Variants in KLRG1 observed in about 807,000 individuals in gnomAD.
KLRG1 encodes killer cell lectin-like receptor subfamily G member 1.
A neutral mutation model predicts 21.8 loss-of-function variants in KLRG1; 16 were observed. That is an observed-to-expected ratio of 0.73 (90% CI 0.50 to 1.11). The LOEUF (loss-of-function observed/expected upper bound fraction) is 1.11. Among genes scored for constraint, KLRG1 ranks in the 50% most tolerant of loss-of-function variants. The pLI is 0.00. For synonymous variants in KLRG1, 69 were observed against 75.9 expected (o/e 0.91, Z 0.47); for missense variants, 173 against 218.3 (o/e 0.79, Z 1.31).
chr12:9,205,694 A>G, the KLRG1 span, among the ~76,000 whole-genome samples: 1 of 152,118 alleles, frequency 6.6e-6, no homozygotes, highest in Non-Finnish European at 1.5e-5. Flanking sequence ...AAAAACTATT[A>G]TTTTCTTATA....
At chr12:9,039,135 A>C in the KLRG1 span, among the ~76,000 whole-genome samples, 1 of 152,240 alleles carries the variant, frequency 6.6e-6, no homozygotes, top group South Asian at 2.1e-4. Context: ...TAAGTTGGTC[A>C]TATGTATAAA....
chr12:9,079,655 A>G, the KLRG1 span: 8 of 1,613,234 alleles, frequency 5.0e-6, no homozygotes, highest in African/African-American at 1.3e-5. Flanking sequence ...TGAGATAGCC[A>G]ATGGCCTTGG....
the KLRG1 span, among the ~76,000 whole-genome samples, chr12:9,161,610 C>T: frequency 3.9e-5 from 6 of 152,108 alleles, no homozygotes; most frequent in Admixed American, 3.9e-4. Flanking sequence ...GACTTATAAC[C>T]ATGATAATAC....
chr12:9,112,526 G>A, the KLRG1 span: 3 of 1,613,690 alleles, frequency 1.9e-6, no homozygotes, highest in Non-Finnish European at 2.5e-6. Flanking sequence ...ATTGGATGAA[G>A]ACTTTGGGAC....
At chr12:9,162,559 G>C in the KLRG1 span, 1 of 1,458,890 alleles carries the variant, frequency 6.9e-7, no homozygotes, top group Non-Finnish European at 9.5e-7. Context: ...CCCCTTTGTG[G>C]TTTTGATCTC....
At chr12:9,025,755 A>C in the KLRG1 span, among the ~76,000 whole-genome samples, 1 of 152,220 alleles carries the variant, frequency 6.6e-6, no homozygotes, top group African/African-American at 2.4e-5. Context: ...GGGTAGAAAG[A>C]GTGCCCCTTC....
the KLRG1 span, chr12:9,194,117 A>C: frequency 6.2e-7 from 1 of 1,614,042 alleles, no homozygotes; most frequent in Non-Finnish European, 8.5e-7. Context: ...GGTAGTATTG[A>C]TTGAAAACTG....
At chr12:9,008,609 C>A (rs759370841) in intron 3 of KLRG1, among the ~76,000 whole-genome samples, 1 of 150,884 alleles carries the variant, frequency 6.6e-6, no homozygotes, top group Non-Finnish European at 1.5e-5. Context: ...TGAGGACCTA[C>A]TTCTGGCTTG....
chr12:8,964,364 C>A lies in KLRG1; in HGVS notation c.-156+14128C>A, dbSNP rs111796922. ...AGTGGTTTTGAGTGAGTTTCTTAAT[C>A]CTGAGTTCTAGTTTGATTGCACTGT... is the stretch of plus-strand genomic sequence containing the variant. On this transcript the variant is annotated intron_variant, in intron 1 of 4. Coordinates refer to the KLRG1 transcript ENST00000539240. Among the ~76,000 whole-genome samples, 732 of 152,284 alleles carry A rather than the reference C, an allele frequency of 4.8e-3. 7 individuals carry two copies. Among genetic ancestry groups the A allele is most frequent in the African/African-American group, 0.017 (699 of 41,532 alleles).
the KLRG1 span, chr12:9,200,367 C>T: frequency 1.3e-6 from 2 of 1,599,248 alleles, no homozygotes; most frequent in Non-Finnish European, 1.7e-6. Context: ...AACTCACTCT[C>T]CACAGACTGT....
chr12:9,109,929 T>TTG, the KLRG1 span: 2 of 1,613,920 alleles, frequency 1.2e-6, no homozygotes, highest in Non-Finnish European at 1.7e-6. Flanking sequence ...TACCACCACC[T>TTG]TGTAGGAGCC....
At chr12:9,032,526 A>G in the KLRG1 span, among the ~76,000 whole-genome samples, 2 of 152,224 alleles carry the variant, frequency 1.3e-5, no homozygotes, top group Admixed American at 6.5e-5. Context: ...AGATGATAAT[A>G]GCCCTCTCCT....
chr12:9,106,916 G>A, the KLRG1 span, among the ~76,000 whole-genome samples: 8 of 152,186 alleles, frequency 5.3e-5, no homozygotes, highest in East Asian at 1.4e-3. Context: ...TGGGGTACAC[G>A]AGATATTTTG....
At chr12:8,990,799 G>T (rs897159179) in intron 1 of KLRG1, among the ~76,000 whole-genome samples, 2 of 152,030 alleles carry the variant, frequency 1.3e-5, no homozygotes, top group Admixed American at 6.6e-5. Flanking sequence ...TTGGCTTGTG[G>T]TTACACAAAT....
chr12:9,187,028 G>A, the KLRG1 span, among the ~76,000 whole-genome samples: 1 of 150,286 alleles, frequency 6.7e-6, no homozygotes, highest in Non-Finnish European at 1.5e-5. Flanking sequence ...AGAAAAGCAG[G>A]GGTTGCAATA....
chr12:9,209,538 T>A, the KLRG1 span, among the ~76,000 whole-genome samples: 1 of 152,134 alleles, frequency 6.6e-6, no homozygotes, highest in Non-Finnish European at 1.5e-5. Flanking sequence ...TTTAAGGTCA[T>A]TTCTTCTTAA....
the KLRG1 span, among the ~76,000 whole-genome samples, chr12:9,086,590 G>T: frequency 6.6e-6 from 1 of 152,128 alleles, no homozygotes; most frequent in Non-Finnish European, 1.5e-5. Flanking sequence ...AGAATTCAAT[G>T]CTCTTTTATG....
chr12:9,044,828 A>G, the KLRG1 span, among the ~76,000 whole-genome samples: 47 of 152,314 alleles, frequency 3.1e-4, no homozygotes, highest in African/African-American at 9.4e-4. Flanking sequence ...ATATCATTTT[A>G]TTCAACAATT....
At chr12:9,192,770 C>G in the KLRG1 span, 1 of 1,473,716 alleles carries the variant, frequency 6.8e-7, no homozygotes, top group East Asian at 2.3e-5. Flanking sequence ...AGAAAGAATA[C>G]TGTCTTGAAA....
Sources: gnomAD v4.1 joint callset for allele counts (sites outside exome capture counted in the v4.1 genomes callset) on GRCh38, gnomAD v4.1.1 for gene constraint, MANE v1.5 for transcripts, NCBI Gene and HGNC (gene_info 2026-07-23, HGNC 2026-07-21) for gene names.